MPDZ: variants seen among roughly 807,000 people sequenced by gnomAD.
MPDZ encodes the protein multiple PDZ domain crumbs cell polarity complex component, also known as multiple PDZ domain protein.
Under a neutral mutation model 239.1 loss-of-function variants are expected in MPDZ, and 234 were observed. The observed-to-expected ratio is 0.98, with a 90% CI of 0.88 to 1.09. The LOEUF (loss-of-function observed/expected upper bound fraction) is 1.09. Among genes scored for constraint, MPDZ ranks in the 50% least tolerant of loss-of-function variants. MPDZ has a pLI of 0.00. For synonymous variants in MPDZ, 1,048 were observed against 881.3 expected (o/e 1.19, Z -3.35); for missense variants, 3,175 against 2,510.0 (o/e 1.26, Z -5.66).
Position 13,109,998 on chromosome 9 carries a change from A to G in MPDZ, c.5896T>C (p.Ser1966Pro). 6.2e-7 allele frequency: 1 copy of G among 1,613,480 alleles called. No homozygotes were observed. Among genetic ancestry groups the G allele is most frequent in the Non-Finnish European group, 8.5e-7 (1 of 1,179,752 alleles). Reference protein sequence around the residue: ...HQQEPASSSLSFTGLTSSSIF... With the variant: ...HQQEPASSSLPFTGLTSSSIF... Reference sequence around the variant, plus strand: ...CTGCTTGACGTCAGCCCAGTGAAAGAAAGACTGGAACTTGCAGGCTCCTGC... The same window carrying G: ...CTGCTTGACGTCAGCCCAGTGAAAGGAAGACTGGAACTTGCAGGCTCCTGC... The change falls in exon 45 of 47, where the codon TCT becomes CCT. Residue 1966 changes from serine (S) to proline (P), a missense_variant. Physicochemically the swap from Ser to Pro is moderately conservative, Grantham distance 74 (BLOSUM62 -1). Transcript: ENST00000319217.
chr9:13,149,483 A>G (rs1163033425), intron 25 of MPDZ, among the ~76,000 whole-genome samples: 3 of 152,086 alleles, frequency 2.0e-5, no homozygotes, highest in Non-Finnish European at 4.4e-5. Context: ...TAAATCCTGA[A>G]AACTCAGAAA....
chr9:13,142,654 G>A (rs935737678), intron 27 of MPDZ, among the ~76,000 whole-genome samples: 1 of 152,060 alleles, frequency 6.6e-6, no homozygotes, highest in African/African-American at 2.4e-5. Flanking sequence ...GAGCAAAAGG[G>A]TTAGTTGGGG....
In MPDZ at chr9:13,235,232, G is replaced by C. The variant is rs543806810; in HGVS notation, c.184-10649C>G. 1.5e-3 allele frequency among the ~76,000 whole-genome samples: 225 copies of C among 152,276 alleles called. 3 individuals carry two copies. The highest frequency in any genetic ancestry group is 5.0e-3 in the African/African-American group (207 of 41,568). On this transcript the variant is annotated intron_variant, in intron 3 of 46. Coordinates refer to ENST00000319217, the MANE Select transcript of MPDZ (RefSeq NM_001378778.1). ...TGTTCAAAGGGAATTAGCTTAATGT[G>C]ACGAAACTATTTTGGACATAAGGTA... is the stretch of plus-strand genomic sequence containing the variant.
chr9:13,225,293 G>A (rs1960196751), intron 3 of MPDZ, among the ~76,000 whole-genome samples: 1 of 151,924 alleles, frequency 6.6e-6, no homozygotes, highest in Non-Finnish European at 1.5e-5. Flanking sequence ...CTATAGCCTA[G>A]GTGTACAGTA....
Position 13,247,632 on chromosome 9 carries a change from T to C in MPDZ, c.183+3A>G, listed in dbSNP as rs752582807. 3.1e-6 allele frequency: 5 copies of C among 1,608,724 alleles called. No homozygotes were observed. The highest frequency in any genetic ancestry group is 1.7e-5 in the Admixed American group (1 of 59,944). ...ATGCCTGCTTGGGTGAATGATGTCC[T>C]ACCTGGTCTTTCAGCTGCTGTACAG... is the stretch of plus-strand genomic sequence containing the variant. On this transcript the variant is annotated splice_donor_region_variant and intron_variant, in intron 3 of 46. Transcript: ENST00000319217.
At position 13,224,096 on chromosome 9, in the gene MPDZ, A is replaced by T. The variant is rs116061344; in HGVS notation, c.393+278T>A. Among the ~76,000 whole-genome samples, 730 of 148,432 alleles carry T rather than the reference A, an allele frequency of 4.9e-3. 5 individuals are homozygous for T. Among genetic ancestry groups the T allele is most frequent in the African/African-American group, 0.016 (647 of 40,636 alleles). On this transcript the variant is annotated intron_variant, in intron 4 of 46. Transcript: ENST00000319217. ...ATCTTATCAGAATCATTTCTTTGTT[A>T]AAAAAAAAAGAAATTGAATAACATT...
At chr9:13,223,181 C>A (rs906983662) in intron 5 of MPDZ, among the ~76,000 whole-genome samples, 1 of 151,854 alleles carries the variant, frequency 6.6e-6, no homozygotes, top group African/African-American at 2.4e-5. Flanking sequence ...GGAACCAATT[C>A]CCCATGGATA....
chr9:13,248,227 C>CAAAAAA (rs757008099), intron 2 of MPDZ, among the ~76,000 whole-genome samples: 1 of 59,972 alleles, frequency 1.7e-5, no homozygotes, highest in Non-Finnish European at 3.3e-5. Context: ...GACTCCATCT[C>CAAAAAA]AAAAAAAAAA....
At chr9:13,194,242 T>C (rs926404664) in intron 13 of MPDZ, among the ~76,000 whole-genome samples, 2 of 152,176 alleles carry the variant, frequency 1.3e-5, no homozygotes, top group African/African-American at 4.8e-5. Context: ...TTTCATTTAT[T>C]GTATACTTCC....
intron 3 of MPDZ, among the ~76,000 whole-genome samples, chr9:13,239,446 T>C (rs1964846797): frequency 6.6e-6 from 1 of 152,162 alleles, no homozygotes; most frequent in South Asian, 2.1e-4. Flanking sequence ...TTAACTATAA[T>C]AGAACTAGAA....
At chr9:13,125,551 G>A in intron 34 of MPDZ, among the ~76,000 whole-genome samples, 161 bp from the exon 35 acceptor site, 1 of 152,150 alleles carries the variant, frequency 6.6e-6, no homozygotes. Context: ...GAAAGAAATG[G>A]CTCTAGTTTC....
chr9:13,119,134 CAG>C (rs1943946820), intron 39 of MPDZ, among the ~76,000 whole-genome samples: 1 of 152,064 alleles, frequency 6.6e-6, no homozygotes, highest in Non-Finnish European at 1.5e-5. Flanking sequence ...TTTTTTGAGA[CAG>C]GGTTTCTGTC....
At chr9:13,227,750 T>C (rs1961094258) in intron 3 of MPDZ, among the ~76,000 whole-genome samples, 1 of 152,132 alleles carries the variant, frequency 6.6e-6, no homozygotes, top group African/African-American at 2.4e-5. Flanking sequence ...CATTTCCTAA[T>C]TTGTTAAAGG....
chr9:13,204,831 A>G (rs1317363414), intron 12 of MPDZ, among the ~76,000 whole-genome samples: 1 of 152,190 alleles, frequency 6.6e-6, no homozygotes, highest in East Asian at 1.9e-4. Context: ...AACGATAAAC[A>G]AAAGTATAAT....
At chr9:13,142,489 A>G (rs1010213445) in intron 27 of MPDZ, among the ~76,000 whole-genome samples, 5 of 152,250 alleles carry the variant, frequency 3.3e-5, no homozygotes, top group Admixed American at 2.6e-4. Flanking sequence ...GCTCTTTAAC[A>G]AAGATTGTTT....
chr9:13,139,142 C>T (rs1237400838), intron 28 of MPDZ, among the ~76,000 whole-genome samples: 2 of 152,186 alleles, frequency 1.3e-5, no homozygotes, highest in African/African-American at 4.8e-5. Context: ...ATGCATTCTA[C>T]ATTGATTCTT....
Position 13,210,050 on chromosome 9 carries a change from A to C in MPDZ, c.1291-3951T>G, listed in dbSNP as rs543645999. ...CTACAAATCAAAAAGGCACATGAAA[A>C]AACAGAAAATGATGAGAAATTACAA... On this transcript the variant is annotated intron_variant, in intron 10 of 46. Transcript: ENST00000319217. 5.3e-5 allele frequency among the ~76,000 whole-genome samples: 8 copies of C among 151,654 alleles called. No homozygotes were observed. In the South Asian group the frequency reaches 1.7e-3, roughly 32 times the overall value.
rs1021985056 is a variant in MPDZ, at chr9:13,112,938, G to T, written c.5601+73C>A. On this transcript the variant is annotated intron_variant, in intron 42 of 46. Coordinates refer to ENST00000319217, the MANE Select transcript of MPDZ (RefSeq NM_001378778.1). ...ATGAATACTTTAAAACCGTAAGAAA[G>T]TTAACAAGAAAACACATATGAAGAT... The T allele has an allele frequency of 2.0e-5, 28 of 1,370,414 alleles. No individual in the cohort carries two copies. In the African/African-American group the frequency reaches 3.9e-4, roughly 19 times the overall value. The allele number at this position is 1,370,414 out of a possible 1,614,324, so 84.9% of individuals were successfully genotyped here. A position where few individuals can be genotyped will look rare whatever the true frequency, so the allele number is the denominator to read the frequency against.
rs1193402258 is a variant in MPDZ at position 13,122,523 on chromosome 9, C to CTTTTTTTTTTTTT, written c.4954-366_4954-354dup. ...CTACAAAGTATCAATTTTTCAAACT[C>CTTTTTTTTTTTTT]TTTTTTTTTTTTTTTGAGACGTAGT... is the stretch of plus-strand genomic sequence containing the variant. On this transcript the variant is annotated intron_variant, in intron 36 of 46. Transcript: ENST00000319217. 1.7e-3 allele frequency among the ~76,000 whole-genome samples: 243 copies of CTTTTTTTTTTTTT among 141,096 alleles called. 3 individuals carry two copies. Among genetic ancestry groups the CTTTTTTTTTTTTT allele is most frequent in the African/African-American group, 4.9e-3 (186 of 37,808 alleles). 92.6% of individuals were successfully genotyped at this position (141,096 alleles called of 152,430 possible).
Sources: gnomAD v4.1 joint callset for allele counts (sites outside exome capture counted in the v4.1 genomes callset) on GRCh38, gnomAD v4.1.1 for gene constraint, MANE v1.5 for transcripts, NCBI Gene and HGNC (gene_info 2026-07-23, HGNC 2026-07-21) for gene names.